Variants in MRE11 observed in about 807,000 individuals in gnomAD.
MRE11 encodes MRE11 double strand break repair nuclease.
A neutral mutation model predicts 91.7 loss-of-function variants in MRE11; 62 were observed. The ratio of observed to expected loss-of-function variants is 0.68; its 90% CI spans 0.55 to 0.84. The LOEUF is 0.84. MRE11 is among the 40% of genes least tolerant of loss of function. MRE11 has a pLI of 0.00. For synonymous variants in MRE11, 273 were observed against 271.4 expected, an observed-to-expected ratio of 1.01 and a Z score of -0.06; for missense variants, 796 against 852.9, an observed-to-expected ratio of 0.93 and a Z score of 0.83.
rs549182252 is a variant in MRE11 at position 94,436,248 on chromosome 11, A to G, written c.1927-349T>C. 2.8e-4 allele frequency among the ~76,000 whole-genome samples: 43 copies of G among 152,280 alleles called. 1 individual carries two copies. The highest frequency in any genetic ancestry group is 2.6e-3 in the Admixed American group (40 of 15,300). On this transcript the variant is annotated intron_variant, in intron 17 of 19. Coordinates refer to ENST00000323929, the MANE Select transcript of MRE11 (RefSeq NM_005591.4). ...GTGAGACCATCAGTGTTCCATCTCC[A>G]ACTTTAAATGAGGTATCAGACCATG... is the stretch of plus-strand genomic sequence containing the variant.
At chr11:94,462,761 C>A (rs1378871753) in intron 11 of MRE11, among the ~76,000 whole-genome samples, 1 of 152,172 alleles carries the variant, frequency 6.6e-6, no homozygotes, top group Non-Finnish European at 1.5e-5. Flanking sequence ...CTTCCTTACA[C>A]CTCACACAAA....
the MRE11 span, among the ~76,000 whole-genome samples, chr11:94,508,159 C>T: frequency 6.6e-6 from 1 of 152,164 alleles, no homozygotes; most frequent in South Asian, 2.1e-4. Context: ...TTGCCCCAGG[C>T]TGTTCTCAGA....
Position 94,419,465 on chromosome 11 carries a change from G to GGAGAGAGGGAGAGAGA in MRE11, c.*659_*660insTCTCTCTCCCTCTCTC. 1 of 214,890 alleles carries GGAGAGAGGGAGAGAGA rather than the reference G, an allele frequency of 4.7e-6. No homozygotes were observed. The highest frequency in any genetic ancestry group is 8.9e-6 in the Non-Finnish European group (1 of 112,432). The allele number at this position is 214,890 out of a possible 1,614,324, so 13.3% of individuals were successfully genotyped here. A position where few individuals can be genotyped will look rare whatever the true frequency, so the allele number is the denominator to read the frequency against. The stretch of plus-strand genomic sequence containing the variant: ...GAAGAGTGGGGAACGGGGGGGAGAG[G>GGAGAGAGGGAGAGAGA]GAGAGAGAGAGAGAGAGAGAGAGAG... On this transcript the variant is annotated 3_prime_UTR_variant, in exon 20 of 20. Coordinates refer to ENST00000323929, the MANE Select transcript of MRE11 (RefSeq NM_005591.4).
In MRE11 at chr11:94,420,024, T is replaced by C. The variant is rs1945127765; in HGVS notation, c.*101A>G. On this transcript the variant is annotated 3_prime_UTR_variant, in exon 20 of 20. Transcript: ENST00000323929. The stretch of plus-strand genomic sequence containing the variant: ...TAGAAATTTCTTACTTATGGAGTTA[T>C]GCTCAGGAAACAATACTTAAAATCT... 3.2e-6 allele frequency: 3 copies of C among 940,936 alleles called. No individual in the cohort carries two copies. Among genetic ancestry groups the C allele is most frequent in the Non-Finnish European group, 4.9e-6 (3 of 611,648 alleles). The allele number at this position is 940,936 out of a possible 1,614,324, so 58.3% of individuals were successfully genotyped here. A position where few individuals can be genotyped will look rare whatever the true frequency, so the allele number is the denominator to read the frequency against.
chr11:94,440,773 CTCTTCT>C (rs1288789128), intron 16 of MRE11, among the ~76,000 whole-genome samples: 1 of 152,168 alleles, frequency 6.6e-6, no homozygotes, highest in Non-Finnish European at 1.5e-5. Context: ...CTTTTTCTCT[CTCTTCT>C]TTTCTCCTTT....
At chr11:94,494,190 T>A (rs1331813446), upstream of MRE11, 1 of 152,190 alleles carries the variant, frequency 6.6e-6, no homozygotes. Context: ...AAGCCGCTTC[T>A]CCGCTCTTGG....
At chr11:94,466,315 C>T (rs1186107944) in intron 10 of MRE11, among the ~76,000 whole-genome samples, 1 of 152,076 alleles carries the variant, frequency 6.6e-6, no homozygotes, top group Non-Finnish European at 1.5e-5. Flanking sequence ...ATCATTTTGG[C>T]ATTAGTGTGG....
intron 18 of MRE11, among the ~76,000 whole-genome samples, chr11:94,432,886 A>G (rs1945503416): frequency 6.6e-6 from 1 of 152,270 alleles, no homozygotes; most frequent in Non-Finnish European, 1.5e-5. Context: ...TCAATTGCCT[A>G]TAACTTCCCT....
chr11:94,463,445 G>C (rs1018768233), intron 11 of MRE11, among the ~76,000 whole-genome samples: 1 of 152,102 alleles, frequency 6.6e-6, no homozygotes, highest in African/African-American at 2.4e-5. Flanking sequence ...ATACCCAAAG[G>C]ATTATAAATC....
At chr11:94,502,335 G>A in the MRE11 span, among the ~76,000 whole-genome samples, 3 of 152,212 alleles carry the variant, frequency 2.0e-5, no homozygotes, top group African/African-American at 7.2e-5. Context: ...TGCATGTTTA[G>A]TGTATCTTCT....
At chr11:94,440,000 G>A (rs1412217084) in intron 16 of MRE11, among the ~76,000 whole-genome samples, 1 of 152,216 alleles carries the variant, frequency 6.6e-6, no homozygotes, top group African/African-American at 2.4e-5. Context: ...GAGGAATGAT[G>A]CAGACCCCTT....
At position 94,460,935 on chromosome 11, in the gene MRE11, C is replaced by T. The variant is rs1946397169; in HGVS notation, c.1326+1G>A. The T allele has an allele frequency of 1.2e-6, 2 of 1,610,816 alleles. No homozygotes were observed. Among genetic ancestry groups the T allele is most frequent in the South Asian group, 1.1e-5 (1 of 91,002 alleles). On this transcript the variant is annotated splice_donor_variant, in intron 12 of 19. Transcript: ENST00000323929. LOFTEE classifies it high-confidence loss of function. ...TCAAAATGTGAACTGTAAGAAATTA[C>T]CTTCTCTGCGGTTTGAAAGTACTGT... is the stretch of plus-strand genomic sequence containing the variant.
At chr11:94,438,369 G>A (rs13447711) in intron 16 of MRE11, among the ~76,000 whole-genome samples, 1,590 of 152,276 alleles carry the variant, frequency 0.01, 34 homozygotes, top group African/African-American at 0.036. Context: ...TATTGTGTTT[G>A]CACATGTTTC....
At chr11:94,452,656 T>C (rs1591662458) in intron 14 of MRE11, among the ~76,000 whole-genome samples, 1 of 152,342 alleles carries the variant, frequency 6.6e-6, no homozygotes. Context: ...AATTGTATTT[T>C]AACTCTACCT....
chr11:94,465,083 C>G (rs1946525683), intron 10 of MRE11, among the ~76,000 whole-genome samples: 1 of 152,170 alleles, frequency 6.6e-6, no homozygotes, highest in Non-Finnish European at 1.5e-5. Flanking sequence ...TTTTATCATC[C>G]CTATATCCTG....
intron 4 of MRE11, among the ~76,000 whole-genome samples, chr11:94,483,191 G>A: frequency 6.6e-6 from 1 of 151,476 alleles, no homozygotes; most frequent in Admixed American, 6.6e-5. Context: ...AATAAATATG[G>A]GCTGGGCATG....
At chr11:94,483,875 T>C (rs1947072468) in intron 4 of MRE11, 1 of 152,020 alleles carries the variant, frequency 6.6e-6, no homozygotes, top group Admixed American at 6.6e-5. Flanking sequence ...AATAAATAAA[T>C]AAATAAACAT....
intron 9 of MRE11, among the ~76,000 whole-genome samples, chr11:94,468,763 T>C (rs1489313316): frequency 6.6e-6 from 1 of 152,214 alleles, no homozygotes; most frequent in African/African-American, 2.4e-5. Context: ...TATGTGGATA[T>C]AGAGTACTTG....
At chr11:94,493,405 G>A (rs1351414932) in intron 1 of MRE11, among the ~76,000 whole-genome samples, 1 of 152,162 alleles carries the variant, frequency 6.6e-6, no homozygotes, top group Non-Finnish European at 1.5e-5. Context: ...GTCTGCGGAG[G>A]AACACCTTTA....
Sources: gnomAD v4.1 joint callset for allele counts (sites outside exome capture counted in the v4.1 genomes callset) on GRCh38, gnomAD v4.1.1 for gene constraint, MANE v1.5 for transcripts, NCBI Gene and HGNC (gene_info 2026-07-23, HGNC 2026-07-21) for gene names.